Variants in CEMIP observed in about 807,000 individuals in gnomAD.
CEMIP encodes the protein cell migration-inducing and hyaluronan-binding protein.
In CEMIP, 105 loss-of-function variants were observed where a neutral mutation model predicts 156.9. The observed-to-expected ratio is 0.67, with a 90% CI of 0.57 to 0.79. CEMIP has a LOEUF of 0.79. Among genes scored for constraint, CEMIP ranks in the 30% least tolerant of loss-of-function variants. The probability of loss-of-function intolerance (pLI) is 0.00; values close to 1 mark genes in which losing one functional copy is unlikely to be tolerated. For synonymous variants in CEMIP, 676 were observed against 668.4 expected (o/e 1.01, Z -0.17); for missense variants, 1,457 against 1,769.4 (o/e 0.82, Z 3.17).
At chr15:80,846,053 AC>A (rs1897548441) in intron 1 of CEMIP, among the ~76,000 whole-genome samples, 1 of 151,936 alleles carries the variant, frequency 6.6e-6, no homozygotes, top group South Asian at 2.1e-4. Flanking sequence ...TGCTTCCTTT[AC>A]CCACCCACCT....
chr15:80,806,055 T>C (rs1415791995), intron 1 of CEMIP, among the ~76,000 whole-genome samples: 1 of 152,238 alleles, frequency 6.6e-6, no homozygotes, highest in African/African-American at 2.4e-5. Context: ...GTACTGGTAA[T>C]GAATAACTGA....
chr15:80,864,832 C>T (rs1382101980), intron 1 of CEMIP, among the ~76,000 whole-genome samples: 17 of 152,308 alleles, frequency 1.1e-4, no homozygotes, highest in Admixed American at 1.0e-3. Context: ...ATCAGAATCA[C>T]CTGGAGGATT....
At position 80,937,828 on chromosome 15, in the gene CEMIP, C is replaced by G; in HGVS notation, c.3256C>G (p.Arg1086Gly). Residue 1086 changes from arginine (R) to glycine (G), a missense_variant, in exon 25 of 30, where the codon CGA becomes GGA. Arg to Gly is a moderately radical substitution (Grantham distance 125). Coordinates refer to ENST00000394685, the MANE Select transcript of CEMIP (RefSeq NM_001293298.2). ...GATCCGAGTGGGGCTCTGCTACCCG[C>G]GAGGCACCACATTCTCCATCCTCTC... ...DWIRVGLCYP[R>G]GTTFSILSDV... 1 of 1,614,226 alleles carries G rather than the reference C, an allele frequency of 6.2e-7. No individual in the cohort carries two copies. The highest frequency in any genetic ancestry group is 8.5e-7 in the Non-Finnish European group (1 of 1,180,044).
intron 28 of CEMIP, among the ~76,000 whole-genome samples, chr15:80,943,696 T>C (rs1402533395): frequency 1.3e-5 from 2 of 152,182 alleles, no homozygotes; most frequent in Non-Finnish European, 2.9e-5. Context: ...CTATCAATTC[T>C]GCCTGCAGTA....
Position 80,933,290 on chromosome 15 carries a change from C to T in CEMIP, c.2839C>T (p.Gln947Ter). The change falls in exon 23 of 30, where the codon CAG becomes TAG. Residue 947 changes from glutamine to a stop codon, truncating the protein, a stop_gained. Transcript: ENST00000394685. LOFTEE classifies it high-confidence loss of function. Reference sequence around the variant, plus strand: ...CGGAGAGCCTGGGCCCTGGTTCAACCAGCTGGACATGGATGGGGATAAGAC... The same window carrying T: ...CGGAGAGCCTGGGCCCTGGTTCAACTAGCTGGACATGGATGGGGATAAGAC... ...FFGEPGPWFN[Q>*]LDMDGDKTSV... The T allele has an allele frequency of 6.2e-7, 1 of 1,614,210 alleles. No homozygotes were observed. The highest frequency in any genetic ancestry group is 8.5e-7 in the Non-Finnish European group (1 of 1,180,024).
Position 80,951,539 on chromosome 15 carries a change from G to A in CEMIP, c.*2615G>A, listed in dbSNP as rs2141778227. 1 of 152,718 alleles carries A rather than the reference G, an allele frequency of 6.5e-6. No individual in the cohort carries two copies. Among genetic ancestry groups the A allele is most frequent in the African/African-American group, 2.4e-5 (1 of 41,568 alleles). 9.5% of individuals were successfully genotyped at this position (152,718 alleles called of 1,614,324 possible). A position where few individuals can be genotyped will look rare whatever the true frequency, so the allele number is the denominator to read the frequency against. ...TTTTCGGGAGTTAGATGTATAGAGT[G>A]TTTGTATGTAAACATTTCTTGTAGG... On this transcript the variant is annotated 3_prime_UTR_variant, in exon 30 of 30. Coordinates refer to ENST00000394685, the MANE Select transcript of CEMIP (RefSeq NM_001293298.2).
chr15:80,898,651 A>G (rs144331860), intron 12 of CEMIP, among the ~76,000 whole-genome samples: 59 of 152,204 alleles, frequency 3.9e-4, no homozygotes, highest in African/African-American at 1.3e-3. Context: ...GGCTTAAGCG[A>G]TCCTCCCTCC....
At chr15:80,819,512 C>T (rs1245917167) in intron 1 of CEMIP, among the ~76,000 whole-genome samples, 1 of 152,188 alleles carries the variant, frequency 6.6e-6, no homozygotes, top group African/African-American at 2.4e-5. Flanking sequence ...TTGATCATGA[C>T]AGGATGTGAC....
chr15:80,888,323 A>AT (rs1163791178), intron 8 of CEMIP, among the ~76,000 whole-genome samples: 1 of 152,094 alleles, frequency 6.6e-6, no homozygotes, highest in African/African-American at 2.4e-5. Context: ...TCTCAAAAAA[A>AT]TTTAAAAAAA....
At chr15:80,825,304 C>A (rs1048749015) in intron 1 of CEMIP, among the ~76,000 whole-genome samples, 2 of 152,144 alleles carry the variant, frequency 1.3e-5, no homozygotes, top group Non-Finnish European at 2.9e-5. Flanking sequence ...CCTATGGTAG[C>A]ATTACCTTCA....
intron 8 of CEMIP, among the ~76,000 whole-genome samples, chr15:80,888,129 G>A (rs1191227947): frequency 2.6e-5 from 4 of 152,186 alleles, no homozygotes; most frequent in African/African-American, 9.6e-5. Context: ...TTGGGAGGCC[G>A]AGGCGGGTGG....
intron 1 of CEMIP, among the ~76,000 whole-genome samples, chr15:80,867,596 C>T (rs1339185487): frequency 1.3e-5 from 2 of 152,204 alleles, no homozygotes; most frequent in East Asian, 3.8e-4. Flanking sequence ...CGCACAGCAG[C>T]CCCAAACATC....
rs534602886 is a variant in CEMIP at position 80,890,294 on chromosome 15, T to C, written c.1086+702T>C. Among the ~76,000 whole-genome samples the C allele has an allele frequency of 9.7e-4, 147 of 152,106 alleles. 2 individuals carry two copies. Among genetic ancestry groups the C allele is most frequent in the African/African-American group, 3.4e-3 (142 of 41,504 alleles). On this transcript the variant is annotated intron_variant, in intron 10 of 29. Transcript: ENST00000394685. ...TGCTTGATAGAGAATTAGAAGTCAT[T>C]TGAGCTGGGCTCAGTGGATCATGCC...
At chr15:80,899,370 T>C (rs1899370286) in intron 12 of CEMIP, among the ~76,000 whole-genome samples, 1 of 152,162 alleles carries the variant, frequency 6.6e-6, no homozygotes, top group African/African-American at 2.4e-5. Context: ...CACCAAAGTA[T>C]TGTTCCAATC....
intron 1 of CEMIP, among the ~76,000 whole-genome samples, chr15:80,830,897 G>A (rs552927200): frequency 5.5e-4 from 83 of 152,172 alleles, no homozygotes; most frequent in African/African-American, 1.9e-3. Flanking sequence ...TAAAATGGGG[G>A]CAATAATATC....
intron 25 of CEMIP, among the ~76,000 whole-genome samples, chr15:80,939,460 G>A (rs1901258138): frequency 6.6e-6 from 1 of 152,220 alleles, no homozygotes; most frequent in Admixed American, 6.5e-5. Flanking sequence ...TATGATTAAA[G>A]TAACAGATGT....
chr15:80,913,474 AAG>A, intron 14 of CEMIP, among the ~76,000 whole-genome samples: 1 of 117,904 alleles, frequency 8.5e-6, no homozygotes, highest in South Asian at 2.9e-4. Context: ...ATTGAGGTAA[AAG>A]AGCATAGAGT....
At chr15:80,850,766 C>G (rs1370079059) in intron 1 of CEMIP, among the ~76,000 whole-genome samples, 2 of 152,192 alleles carry the variant, frequency 1.3e-5, no homozygotes, top group South Asian at 4.1e-4. Flanking sequence ...CAGCTCACCC[C>G]CTTACTCATC....
rs780365010 is a variant in CEMIP at position 80,939,688 on chromosome 15, T to C, written c.3407+1709T>C. Among the ~76,000 whole-genome samples the C allele has an allele frequency of 2.6e-5, 4 of 152,290 alleles. No individual in the cohort carries two copies. In the East Asian group the frequency reaches 5.8e-4, roughly 22 times the overall value. On this transcript the variant is annotated intron_variant, in intron 25 of 29. Transcript: ENST00000394685. Reference sequence around the variant, plus strand: ...AGCTTAGCCCTATGCCTGTTGATCATTGTGTTGTGTTTCAATTCAGCAACG... The same window carrying C: ...AGCTTAGCCCTATGCCTGTTGATCACTGTGTTGTGTTTCAATTCAGCAACG...
Sources: allele counts gnomAD v4.1 joint callset (sites outside exome capture counted in the v4.1 genomes callset), GRCh38; gene constraint gnomAD v4.1.1; transcripts MANE v1.5; gene names NCBI Gene and HGNC (gene_info 2026-07-23, HGNC 2026-07-21).